Variants in PXDNL observed in about 807,000 individuals in gnomAD.
PXDNL encodes the protein peroxidasin like, also known as probable oxidoreductase PXDNL.
PXDNL carries 145 observed loss-of-function variants against 150.8 expected under a neutral mutation model. The observed-to-expected ratio is 0.96, with a 90% CI of 0.84 to 1.10. The LOEUF (loss-of-function observed/expected upper bound fraction) is 1.10, where lower values mean the gene tolerates loss of function less well. Ranked by LOEUF, PXDNL falls within the 50% of genes least tolerant of loss-of-function variation. The pLI, the probability that PXDNL is intolerant of heterozygous loss-of-function variation, is 0.00. For missense variants in PXDNL, 2,087 were observed against 1,873.9 expected (o/e 1.11, Z -2.10); for synonymous variants, 757 against 725.7 (o/e 1.04, Z -0.69).
At chr8:51,521,605 G>C (rs1811665932) in intron 4 of PXDNL, among the ~76,000 whole-genome samples, 1 of 151,866 alleles carries the variant, frequency 6.6e-6, no homozygotes, top group South Asian at 2.1e-4. Context: ...AGCAATAAAG[G>C]AAATAAAAGT....
At chr8:51,644,736 T>A (rs4873567) in intron 2 of PXDNL, among the ~76,000 whole-genome samples, 1 of 151,560 alleles carries the variant, frequency 6.6e-6, no homozygotes, top group South Asian at 2.1e-4. Context: ...GGATTACAGG[T>A]GTGAGTCACC....
chr8:51,565,321 A>AATAAATAGATAGATAGATAG (rs569762504), intron 3 of PXDNL, among the ~76,000 whole-genome samples: 361 of 135,570 alleles, frequency 2.7e-3, no homozygotes, highest in African/African-American at 4.1e-3. Flanking sequence ...TAAATAAATA[A>AATAAATAGATAGATAGATAG]ATAGATAGAT....
chr8:51,559,252 AGGAAGG>A (rs1812662654), intron 3 of PXDNL, among the ~76,000 whole-genome samples: 1 of 150,812 alleles, frequency 6.6e-6, no homozygotes, highest in Admixed American at 6.7e-5. Context: ...AACAGCTATG[AGGAAGG>A]GGTCAGAGAG....
chr8:51,495,283 G>C (rs1377106493), intron 5 of PXDNL, among the ~76,000 whole-genome samples: 54 of 149,270 alleles, frequency 3.6e-4, no homozygotes, highest in South Asian at 1.5e-3. Context: ...TCAAAGCAGT[G>C]TGTAGAGGGA....
At chr8:51,363,387 C>T (rs556143860) in intron 19 of PXDNL, among the ~76,000 whole-genome samples, 4 of 152,050 alleles carry the variant, frequency 2.6e-5, no homozygotes, top group East Asian at 1.9e-4. Flanking sequence ...CGGGAGGTTT[C>T]GCAAGACTCA....
intron 17 of PXDNL, among the ~76,000 whole-genome samples, chr8:51,397,431 C>G (rs963783349): frequency 6.6e-6 from 1 of 152,050 alleles, no homozygotes; most frequent in Non-Finnish European, 1.5e-5. Context: ...AAACAAAAAA[C>G]TAAACCAACA....
chr8:51,402,710 C>G (rs1808294471), intron 17 of PXDNL, among the ~76,000 whole-genome samples: 1 of 152,104 alleles, frequency 6.6e-6, no homozygotes, highest in South Asian at 2.1e-4. Flanking sequence ...TTATGTTCAC[C>G]ATTCAGTGAA....
intron 2 of PXDNL, among the ~76,000 whole-genome samples, chr8:51,654,425 T>C (rs933099671): frequency 1.3e-5 from 2 of 152,146 alleles, no homozygotes; most frequent in African/African-American, 4.8e-5. Flanking sequence ...AACCCCTCCT[T>C]CTCCCTATTT....
chr8:51,446,739 T>C (rs1387155409), intron 12 of PXDNL, among the ~76,000 whole-genome samples: 1 of 152,188 alleles, frequency 6.6e-6, no homozygotes, highest in African/African-American at 2.4e-5. Flanking sequence ...TTAATCATAG[T>C]AATTGTAAAA....
chr8:51,544,385 T>C (rs1812304954), intron 4 of PXDNL, among the ~76,000 whole-genome samples: 1 of 152,188 alleles, frequency 6.6e-6, no homozygotes, highest in Non-Finnish European at 1.5e-5. Flanking sequence ...ACAAGATGAT[T>C]ACTCCTCCCT....
At chr8:51,470,095 T>C (rs1007588212) in intron 8 of PXDNL, among the ~76,000 whole-genome samples, 1 of 152,100 alleles carries the variant, frequency 6.6e-6, no homozygotes, top group Non-Finnish European at 1.5e-5. Flanking sequence ...GAACACACCA[T>C]TTTAAAATTT....
At chr8:51,554,766 C>A (rs541179660) in intron 4 of PXDNL, among the ~76,000 whole-genome samples, 1 of 152,290 alleles carries the variant, frequency 6.6e-6, no homozygotes, top group African/African-American at 2.4e-5. Context: ...CTGTCCAAGA[C>A]CCCATCAGAA....
intron 2 of PXDNL, among the ~76,000 whole-genome samples, chr8:51,624,570 TATAA>T (rs958242359): frequency 2.6e-5 from 4 of 151,476 alleles, no homozygotes; most frequent in African/African-American, 7.3e-5. Context: ...TATAACTCAC[TATAA>T]ATAATCACAA....
At chr8:51,455,171 T>C (rs1356489793) in intron 9 of PXDNL, among the ~76,000 whole-genome samples, 1 of 150,606 alleles carries the variant, frequency 6.6e-6, no homozygotes, top group Non-Finnish European at 1.5e-5. Context: ...ATTATAATAA[T>C]TGAAATAAAT....
chr8:51,320,761 A>T (rs1216772223), intron 22 of PXDNL, 23 bp downstream of exon 22: 3 of 1,539,146 alleles, frequency 1.9e-6, no homozygotes, highest in Admixed American at 3.4e-5. Flanking sequence ...GGGGAGTTGG[A>T]CTGGAAAACT....
rs555663475 is a variant in PXDNL at position 51,559,590 on chromosome 8, A to C, written c.309-2679T>G. ...TTACATGTAAGTGGTGAAAACACTAAAGCATCTCTAGAGTCCACCCTCAGC... is the reference window on the plus strand; with the variant it reads ...TTACATGTAAGTGGTGAAAACACTACAGCATCTCTAGAGTCCACCCTCAGC... On this transcript the variant is annotated intron_variant, in intron 3 of 22. Coordinates refer to ENST00000356297, the MANE Select transcript of PXDNL (RefSeq NM_144651.5). Among the ~76,000 whole-genome samples the C allele has an allele frequency of 7.9e-5, 12 of 152,160 alleles. No homozygotes were observed. The East Asian group carries it at 2.1e-3, about 27-fold the overall frequency.
intron 4 of PXDNL, among the ~76,000 whole-genome samples, chr8:51,545,897 C>T (rs1300285955): frequency 6.6e-6 from 1 of 152,162 alleles, no homozygotes. Flanking sequence ...ATGTTATTTT[C>T]ATCTCTATAG....
intron 1 of PXDNL, among the ~76,000 whole-genome samples, chr8:51,783,250 C>T (rs1295369914): frequency 6.6e-6 from 1 of 152,174 alleles, no homozygotes; most frequent in Non-Finnish European, 1.5e-5. Flanking sequence ...ACCCAAACAC[C>T]ATCAAGTGAA....
chr8:51,616,362 A>T (rs1311979084), intron 2 of PXDNL, among the ~76,000 whole-genome samples: 1 of 152,218 alleles, frequency 6.6e-6, no homozygotes, highest in African/African-American at 2.4e-5. Context: ...CTCTGGGATC[A>T]GCCACGATGC....
Sources: allele counts gnomAD v4.1 joint callset (sites outside exome capture counted in the v4.1 genomes callset), GRCh38; gene constraint gnomAD v4.1.1; transcripts MANE v1.5; gene names NCBI Gene and HGNC (gene_info 2026-07-23, HGNC 2026-07-21).